Variants in MZT2A observed in about 807,000 individuals in gnomAD.
MZT2A encodes the protein mitotic spindle organizing protein 2A.
A neutral mutation model predicts 12.4 loss-of-function variants in MZT2A; 8 were observed. The observed-to-expected ratio is 0.64, with a 90% CI of 0.38 to 1.16. The LOEUF is 1.16. Among genes scored for constraint, MZT2A ranks in the 50% most tolerant of loss-of-function variants. The probability of loss-of-function intolerance (pLI) is 0.01; values close to 1 mark genes in which losing one functional copy is unlikely to be tolerated. For missense variants in MZT2A, 181 were observed against 223.6 expected (o/e 0.81, Z 1.22); for synonymous variants, 88 against 107.5 (o/e 0.82, Z 1.12).
chr2:131,475,319 C>CTTTTTTTT (rs551443616), intron 2 of MZT2A, among the ~76,000 whole-genome samples: 1 of 94,516 alleles, frequency 1.1e-5, no homozygotes, highest in Non-Finnish European at 1.9e-5. Context: ...TCCTTTCTTC[C>CTTTTTTTT]TTTTTTTTTT....
At chr2:131,482,708 G>A (rs1192555101), downstream of MZT2A, 13 of 1,614,078 alleles carry the variant, frequency 8.1e-6, no homozygotes, top group Non-Finnish European at 1.1e-5. Context: ...GCGGGCCTTT[G>A]TGCACTGGTA....
In MZT2A at chr2:131,483,987, G is replaced by A; in HGVS notation, c.*74C>T. 6.6e-7 allele frequency: 1 copy of A among 1,524,304 alleles called. No homozygotes were observed. The highest frequency in any genetic ancestry group is 1.3e-5 in the South Asian group (1 of 76,946). The allele number at this position is 1,524,304 out of a possible 1,614,324, so 94.4% of individuals were successfully genotyped here. A position where few individuals can be genotyped will look rare whatever the true frequency, so the allele number is the denominator to read the frequency against. ...ACCTGGACCCTCTGCATCTCAGAAA[G>A]GTTTATTATCAACTGAAGGAGGTAA... is the stretch of plus-strand genomic sequence containing the variant. On this transcript the variant is annotated 3_prime_UTR_variant, in exon 3 of 3. Transcript: ENST00000309451.
chr2:131,486,046 C>T (rs147026995), intron 2 of MZT2A, among the ~76,000 whole-genome samples: 2,704 of 151,204 alleles, frequency 0.018, 79 homozygotes, highest in African/African-American at 0.059. Flanking sequence ...AGGGTTACAG[C>T]GGTGTCATGC....
rs7571812 is a variant in MZT2A, at chr2:131,475,937, C to A, written c.279-3755G>T. 9.4e-3 allele frequency among the ~76,000 whole-genome samples: 1,356 copies of A among 144,772 alleles called. 24 individuals carry two copies. The highest frequency in any genetic ancestry group is 0.037 in the African/African-American group (1,290 of 34,998). 95.0% of individuals were successfully genotyped at this position (144,772 alleles called of 152,430 possible). On this transcript the variant is annotated intron_variant and NMD_transcript_variant, in intron 2 of 4. Coordinates refer to the MZT2A transcript ENST00000427024. ...CGGAAATGCCTCAGCAACCGCGCAG[C>A]CTTTGATGACCCCCGCTGCCTTCCC...
intron 2 of MZT2A, among the ~76,000 whole-genome samples, chr2:131,477,955 A>T (rs575991637): frequency 1.3e-5 from 2 of 152,268 alleles, no homozygotes; most frequent in Non-Finnish European, 2.9e-5. Context: ...TTCTAGGGCT[A>T]CCTCTAGAAC....
At chr2:131,473,618 A>C (rs1046308780) in intron 2 of MZT2A, among the ~76,000 whole-genome samples, 1 of 145,710 alleles carries the variant, frequency 6.9e-6, no homozygotes, top group Admixed American at 6.6e-5. Context: ...TGGAAGAATC[A>C]AACTGGGAAG....
chr2:131,492,779 T>C, upstream of MZT2A: 1 of 928,034 alleles, frequency 1.1e-6, no homozygotes, highest in Middle Eastern at 4.0e-4. Flanking sequence ...GGGGTCGCTC[T>C]TCGGGGGGGG....
downstream of MZT2A, chr2:131,480,459 C>T: frequency 1.3e-6 from 2 of 1,588,850 alleles, no homozygotes; most frequent in Non-Finnish European, 1.7e-6. Flanking sequence ...GACGGAATTC[C>T]AGACCAACCT....
intron 2 of MZT2A, 170 bp downstream of exon 2, chr2:131,491,706 G>A (rs1679315657): frequency 1.2e-6 from 1 of 849,336 alleles, no homozygotes; most frequent in Non-Finnish European, 1.8e-6. Context: ...CCTAAGGCTG[G>A]CAGCGAAGCC....
chr2:131,492,784 G>C (rs559569781), upstream of MZT2A: 54 of 1,352,772 alleles, frequency 4.0e-5, no homozygotes, highest in East Asian at 7.1e-4. Context: ...CGCTCTTCGG[G>C]GGGGGTGGGG....
In MZT2A at chr2:131,472,833, G is replaced by A. The variant is rs147893424; in HGVS notation, c.279-651C>T. ...ACGCGTGGCTGGACTGAAGAGCACC[G>A]TGTGATGTGGGCTACAGCTGAGTTC... On this transcript the variant is annotated intron_variant and NMD_transcript_variant, in intron 2 of 4. Coordinates refer to the MZT2A transcript ENST00000427024. Among the ~76,000 whole-genome samples the A allele has an allele frequency of 4.2e-3, 642 of 152,258 alleles. 1 individual carries two copies. Among genetic ancestry groups the A allele is most frequent in the South Asian group, 6.0e-3 (29 of 4,820 alleles).
chr2:131,490,012 T>C (rs1261425213), intron 2 of MZT2A: 1 of 974,404 alleles, frequency 1.0e-6, no homozygotes, highest in Non-Finnish European at 1.2e-6. Flanking sequence ...CAATTGCTCA[T>C]CTCAGCCTGC....
chr2:131,483,305 G>C (rs1341890196), downstream of MZT2A, among the ~76,000 whole-genome samples: 1 of 152,128 alleles, frequency 6.6e-6, no homozygotes, highest in Non-Finnish European at 1.5e-5. Context: ...AATGTGTAAG[G>C]TCAGGACATT....
chr2:131,490,134 C>T (rs573693763), intron 2 of MZT2A: 10 of 678,030 alleles, frequency 1.5e-5, no homozygotes, highest in East Asian at 2.8e-4. Flanking sequence ...ATGCAGGAGG[C>T]GCGACCAAAG....
At chr2:131,483,634 G>A (rs542138269), downstream of MZT2A, among the ~76,000 whole-genome samples, 55 of 152,062 alleles carry the variant, frequency 3.6e-4, no homozygotes, top group Admixed American at 4.6e-4. Context: ...AGAATGGCGC[G>A]AACCCAGGAG....
chr2:131,490,244 G>A lies in MZT2A; in HGVS notation c.319+1632C>T. The A allele has an allele frequency of 3.4e-6, 3 of 880,306 alleles. No individual in the cohort carries two copies. In the South Asian group the frequency reaches 1.3e-4, roughly 38 times the overall value. The allele number at this position is 880,306 out of a possible 1,614,324, so 54.5% of individuals were successfully genotyped here. On this transcript the variant is annotated intron_variant, in intron 2 of 2. Transcript: ENST00000309451. ...GCAAGGGGGCTGAGTGCTGGAGTGTGGCCATGGGACCAGCACATGGCATCT... is the reference window on the plus strand; with the variant it reads ...GCAAGGGGGCTGAGTGCTGGAGTGTAGCCATGGGACCAGCACATGGCATCT...
downstream of MZT2A, chr2:131,483,063 A>C: frequency 1.4e-6 from 1 of 704,630 alleles, no homozygotes; most frequent in South Asian, 2.6e-5. Flanking sequence ...AGGACTGTAC[A>C]TAAGCAGCTG....
intron 2 of MZT2A, among the ~76,000 whole-genome samples, chr2:131,486,725 G>A (rs754733148): frequency 6.6e-6 from 1 of 151,884 alleles, no homozygotes; most frequent in Admixed American, 6.6e-5. Flanking sequence ...CCATGGCCTC[G>A]AGGGATCTTC....
chr2:131,491,641 C>G (rs968896154), intron 2 of MZT2A: 2 of 697,622 alleles, frequency 2.9e-6, no homozygotes, highest in Non-Finnish European at 4.6e-6. Context: ...GAGCCCTACC[C>G]AGCCTGGACC....
Sources: gnomAD v4.1 joint callset for allele counts (sites outside exome capture counted in the v4.1 genomes callset) on GRCh38, gnomAD v4.1.1 for gene constraint, MANE v1.5 for transcripts, NCBI Gene and HGNC (gene_info 2026-07-23, HGNC 2026-07-21) for gene names.